The following INPP4A variants were observed in gnomAD, a reference collection of about 807,000 sequenced individuals.
The protein encoded by INPP4A is inositol polyphosphate-4-phosphatase type I A.
Under a neutral mutation model 119.8 loss-of-function variants are expected in INPP4A, and 33 were observed. The ratio of observed to expected loss-of-function variants is 0.28; its 90% CI spans 0.21 to 0.37. The LOEUF (loss-of-function observed/expected upper bound fraction) is 0.37, where lower values mean the gene tolerates loss of function less well. INPP4A is among the 10% of genes least tolerant of loss of function. INPP4A has a pLI of 1.00. For synonymous variants in INPP4A, 496 were observed against 500.7 expected (o/e 0.99, Z 0.12); for missense variants, 956 against 1,289.9 (o/e 0.74, Z 3.97).
intron 1 of INPP4A, among the ~76,000 whole-genome samples, chr2:98,462,155 T>C (rs753528473): frequency 1.2e-4 from 19 of 152,226 alleles, no homozygotes; most frequent in Non-Finnish European, 2.2e-4. Context: ...CTCTAAAATA[T>C]TACCTTCTAG....
chr2:98,466,653 A>G (rs1674852208), intron 1 of INPP4A, among the ~76,000 whole-genome samples: 1 of 152,106 alleles, frequency 6.6e-6, no homozygotes. Flanking sequence ...ACCCTCACTT[A>G]TGGTTATGCC....
intron 4 of INPP4A, among the ~76,000 whole-genome samples, chr2:98,525,003 T>G (rs558245924): frequency 3.3e-5 from 5 of 152,360 alleles, no homozygotes; most frequent in Non-Finnish European, 7.3e-5. Context: ...ACTGGGTCTT[T>G]GCTTAGAGTC....
At chr2:98,573,503 G>A (rs1206878443) in intron 23 of INPP4A, among the ~76,000 whole-genome samples, 3 of 152,162 alleles carry the variant, frequency 2.0e-5, no homozygotes, top group Non-Finnish European at 4.4e-5. Flanking sequence ...CTGGGACTCG[G>A]GCACACATGG....
chr2:98,471,102 C>T (rs185902761), intron 1 of INPP4A, among the ~76,000 whole-genome samples: 1 of 152,304 alleles, frequency 6.6e-6, no homozygotes, highest in East Asian at 1.9e-4. Flanking sequence ...GATTTGAGAT[C>T]ACACTAAAAT....
chr2:98,513,458 TTCACTCAC>T (rs527566730), intron 1 of INPP4A, among the ~76,000 whole-genome samples: 2 of 152,202 alleles, frequency 1.3e-5, no homozygotes, highest in Admixed American at 6.5e-5. Flanking sequence ...GAGACATTCA[TTCACTCAC>T]TCACTCACTC....
At chr2:98,447,621 G>C (rs1304468660) in intron 1 of INPP4A, among the ~76,000 whole-genome samples, 1 of 151,962 alleles carries the variant, frequency 6.6e-6, no homozygotes. Context: ...AGGTTTCTCA[G>C]ATTCTCCAAA....
chr2:98,535,619 A>G, intron 5 of INPP4A, 110 bp from the exon 6 acceptor site: 2 of 640,686 alleles, frequency 3.1e-6, no homozygotes, highest in Non-Finnish European at 5.6e-6. Flanking sequence ...GTGTTGATTC[A>G]AGGCAGTGAG....
At chr2:98,486,490 C>T (rs1168072102) in intron 1 of INPP4A, among the ~76,000 whole-genome samples, 6 of 152,200 alleles carry the variant, frequency 3.9e-5, no homozygotes, top group South Asian at 2.1e-4. Context: ...CCCAAAGCAG[C>T]GATGCATCTG....
rs979259965 is a variant in INPP4A, at chr2:98,587,739, C to T, written c.*131C>T. 4 of 754,730 alleles carry T rather than the reference C, an allele frequency of 5.3e-6. No individual in the cohort carries two copies. The highest frequency in any genetic ancestry group is 6.2e-6 in the Non-Finnish European group (3 of 485,428). The allele number at this position is 754,730 out of a possible 1,614,324, so 46.8% of individuals were successfully genotyped here. A position where few individuals can be genotyped will look rare whatever the true frequency, so the allele number is the denominator to read the frequency against. On this transcript the variant is annotated 3_prime_UTR_variant, in exon 25 of 25. Coordinates refer to ENST00000409851, the MANE Select transcript of INPP4A (RefSeq NM_001134225.2). ...TGGTTTTTTTAAAAAAAACATTTCA[C>T]TAAAGAGTCTCTGGAGCATGTTTTT...
intron 22 of INPP4A, among the ~76,000 whole-genome samples, chr2:98,571,083 T>C (rs1176902204): frequency 1.3e-5 from 2 of 152,208 alleles, no homozygotes; most frequent in East Asian, 3.8e-4. Flanking sequence ...ATCAGTGCCA[T>C]GGACGTCAGA....
chr2:98,532,256 C>G (rs1377926502), intron 4 of INPP4A, among the ~76,000 whole-genome samples: 1 of 151,766 alleles, frequency 6.6e-6, no homozygotes, highest in African/African-American at 2.4e-5. Context: ...CTCCTTTTTT[C>G]TCCCTGTTCT....
At chr2:98,514,926 A>G (rs1574856036) in intron 1 of INPP4A, among the ~76,000 whole-genome samples, 1 of 85,456 alleles carries the variant, frequency 1.2e-5, no homozygotes, top group East Asian at 3.9e-4. Flanking sequence ...AAAAGCTGGA[A>G]AAAAAAAAAA....
intron 4 of INPP4A, among the ~76,000 whole-genome samples, chr2:98,529,639 G>T (rs955620980): frequency 2.0e-5 from 3 of 152,092 alleles, no homozygotes; most frequent in Non-Finnish European, 2.9e-5. Flanking sequence ...GGGAGGCTGA[G>T]GCAGGAGAAT....
chr2:98,513,316 C>G (rs1217598267), intron 1 of INPP4A, among the ~76,000 whole-genome samples: 1 of 152,172 alleles, frequency 6.6e-6, no homozygotes, highest in Non-Finnish European at 1.5e-5. Context: ...TCAAGTTGGC[C>G]ATATTTAAGG....
chr2:98,477,239 T>C (rs1677425154), intron 1 of INPP4A, among the ~76,000 whole-genome samples: 1 of 152,192 alleles, frequency 6.6e-6, no homozygotes, highest in South Asian at 2.1e-4. Flanking sequence ...GCCCGGATGG[T>C]CTGGCTCTGG....
In INPP4A at chr2:98,539,067, G is replaced by A. The variant is rs540655066; in HGVS notation, c.670+86G>A. 1.9e-4 allele frequency: 134 copies of A among 689,314 alleles called. 1 individual carries two copies. In the Admixed American group the frequency reaches 2.6e-3, roughly 13 times the overall value. 42.7% of individuals were successfully genotyped at this position (689,314 alleles called of 1,614,324 possible). On this transcript the variant is annotated intron_variant, in intron 9 of 24. Transcript: ENST00000409851. Reference sequence around the variant, plus strand: ...GTCCCCTTTGCTCCCCACCTGCTGCGATTGTCCCAGCCATGCACCCTAATT... The same window carrying A: ...GTCCCCTTTGCTCCCCACCTGCTGCAATTGTCCCAGCCATGCACCCTAATT...
chr2:98,548,288 T>A (rs1692846201), intron 13 of INPP4A, among the ~76,000 whole-genome samples: 1 of 152,128 alleles, frequency 6.6e-6, no homozygotes. Flanking sequence ...TTCCCAGGGG[T>A]GCTTCCCTAA....
intron 1 of INPP4A, among the ~76,000 whole-genome samples, chr2:98,507,065 T>G (rs1406915188): frequency 6.6e-6 from 1 of 152,304 alleles, no homozygotes; most frequent in South Asian, 2.1e-4. Context: ...ACTCACTTTT[T>G]TGTGGAATGG....
At chr2:98,479,160 C>T (rs556839913) in intron 1 of INPP4A, among the ~76,000 whole-genome samples, 1 of 152,272 alleles carries the variant, frequency 6.6e-6, no homozygotes, top group African/African-American at 2.4e-5. Context: ...AGATATTATT[C>T]GCTGATTTTT....
Sources: allele counts gnomAD v4.1 joint callset (sites outside exome capture counted in the v4.1 genomes callset), GRCh38; gene constraint gnomAD v4.1.1; transcripts MANE v1.5; gene names NCBI Gene and HGNC (gene_info 2026-07-23, HGNC 2026-07-21).